The following YWHAB variants were observed in gnomAD, a reference collection of about 807,000 sequenced individuals.
YWHAB encodes tyrosine 3-monooxygenase/tryptophan 5-monooxygenase activation protein beta.
A neutral mutation model predicts 28.5 loss-of-function variants in YWHAB; 2 were observed. The observed-to-expected ratio is 0.07, with a 90% CI of 0.03 to 0.22. The LOEUF is 0.22. Ranked by LOEUF, YWHAB falls within the 10% of genes least tolerant of loss-of-function variation. The pLI is 1.00. For missense variants in YWHAB, 148 were observed against 297.1 expected, an observed-to-expected ratio of 0.50 and a Z score of 3.69; for synonymous variants, 103 against 104.7, an observed-to-expected ratio of 0.98 and a Z score of 0.10.
intron 1 of YWHAB, among the ~76,000 whole-genome samples, chr20:44,888,953 A>G (rs73294333): frequency 0.034 from 5,177 of 152,296 alleles, 283 homozygotes; most frequent in African/African-American, 0.11. Context: ...AATAGAGAGA[A>G]ACTTCTAAAT....
intron 1 of YWHAB, among the ~76,000 whole-genome samples, chr20:44,896,036 A>G (rs202119326): frequency 1.3e-5 from 2 of 152,342 alleles, no homozygotes; most frequent in East Asian, 3.9e-4. Flanking sequence ...AATAGGAGAC[A>G]CTATGTAAGT....
chr20:44,887,993 A>G (rs922224187), intron 1 of YWHAB, among the ~76,000 whole-genome samples: 7 of 152,196 alleles, frequency 4.6e-5, no homozygotes, highest in African/African-American at 1.4e-4. Flanking sequence ...AAAATGGTAT[A>G]TTATTATAGG....
rs1007310355 is a variant in YWHAB, at chr20:44,885,784, C to T, written c.-106C>T. On this transcript the variant is annotated 5_prime_UTR_variant, in exon 1 of 6. Transcript: ENST00000353703. ...GCCGCCGCCGCCGCTGCAGCCACTGCAGGCACCGCTGCCGCCGCCTGAGTA... is the reference window on the plus strand; with the variant it reads ...GCCGCCGCCGCCGCTGCAGCCACTGTAGGCACCGCTGCCGCCGCCTGAGTA... 2.2e-5 allele frequency: 4 copies of T among 178,360 alleles called. No individual in the cohort carries two copies. The highest frequency in any genetic ancestry group is 4.6e-5 in the Non-Finnish European group (4 of 86,262). 11.0% of individuals were successfully genotyped at this position (178,360 alleles called of 1,614,324 possible).
rs962015966 is a variant in YWHAB at position 44,908,297 on chromosome 20, T to C, written c.*1859T>C. The C allele has an allele frequency of 1.3e-5, 2 of 152,652 alleles. No individual in the cohort carries two copies. The highest frequency in any genetic ancestry group is 4.8e-5 in the African/African-American group (2 of 41,456). 9.5% of individuals were successfully genotyped at this position (152,652 alleles called of 1,614,324 possible). On this transcript the variant is annotated 3_prime_UTR_variant, in exon 6 of 6. Coordinates refer to ENST00000353703, the MANE Select transcript of YWHAB (RefSeq NM_139323.4). Reference sequence around the variant, plus strand: ...ATATCTGGTAGCTCTTTTCTTGCTTTGTTTTTTCTTACCAGTATTCTGCCT... The same window carrying C: ...ATATCTGGTAGCTCTTTTCTTGCTTCGTTTTTTCTTACCAGTATTCTGCCT...
intron 3 of YWHAB, 75 bp from the exon 4 acceptor site, chr20:44,904,890 AAAT>A: frequency 1.4e-6 from 2 of 1,435,544 alleles, no homozygotes; most frequent in Non-Finnish European, 1.9e-6. Flanking sequence ...GGGACTGAGA[AAAT>A]AATTTGATAG....
At chr20:44,886,634 A>G (rs1175505356) in intron 1 of YWHAB, 1 of 152,092 alleles carries the variant, frequency 6.6e-6, no homozygotes, top group Admixed American at 6.5e-5. Context: ...CTTTACCCCA[A>G]ATTCCCCCAT....
intron 1 of YWHAB, among the ~76,000 whole-genome samples, chr20:44,892,065 T>TC (rs1453673532): frequency 3.3e-5 from 5 of 152,196 alleles, no homozygotes; most frequent in African/African-American, 4.8e-5. Context: ...TAGCTTGGCA[T>TC]CTGATTTTTC....
intron 1 of YWHAB, among the ~76,000 whole-genome samples, chr20:44,897,170 C>T (rs61329528): frequency 0.012 from 1,846 of 152,204 alleles, 32 homozygotes; most frequent in African/African-American, 0.04. Context: ...ACTTTTAATC[C>T]TTGAGAAGGA....
chr20:44,906,634 A>G lies in YWHAB; in HGVS notation c.*196A>G, dbSNP rs2066659452. On this transcript the variant is annotated 3_prime_UTR_variant, in exon 6 of 6. Transcript: ENST00000353703. ...TCTAAAACTCAGATTGGTCACATAA[A>G]TGCCACGGCATTCCGAAGTTTTGAT... 4.9e-6 allele frequency: 2 copies of G among 404,650 alleles called. No individual in the cohort carries two copies. The highest frequency in any genetic ancestry group is 9.0e-6 in the Non-Finnish European group (2 of 221,976). The allele number at this position is 404,650 out of a possible 1,614,324, so 25.1% of individuals were successfully genotyped here.
chr20:44,892,646 A>G (rs2066569595), intron 1 of YWHAB, among the ~76,000 whole-genome samples: 1 of 152,234 alleles, frequency 6.6e-6, no homozygotes, highest in South Asian at 2.1e-4. Context: ...GCTTAAGAAT[A>G]AAAAATAAGA....
At chr20:44,895,766 TG>T (rs2066592373) in intron 1 of YWHAB, among the ~76,000 whole-genome samples, 1 of 152,244 alleles carries the variant, frequency 6.6e-6, no homozygotes, top group African/African-American at 2.4e-5. Flanking sequence ...CATGCCTGAC[TG>T]GAAGAGTGAA....
In YWHAB at chr20:44,901,525, T is replaced by G; in HGVS notation, c.-3-6T>G. On this transcript the variant is annotated splice_polypyrimidine_tract_variant and splice_region_variant and intron_variant, in intron 1 of 5. Coordinates refer to ENST00000353703, the MANE Select transcript of YWHAB (RefSeq NM_139323.4). ...GCTCTTTCTTTTTCTCTTGCTCTTG[T>G]TCTAGGGAATGACAATGGATAAAAG... The G allele has an allele frequency of 6.3e-7, 1 of 1,582,188 alleles. No homozygotes were observed.
intron 1 of YWHAB, chr20:44,887,835 G>T (rs1289978412): frequency 2.6e-5 from 4 of 152,172 alleles, no homozygotes; most frequent in African/African-American, 9.7e-5. Context: ...TATTTCCAGG[G>T]TTATCATTAA....
chr20:44,899,280 A>AC (rs1159426878), intron 1 of YWHAB, among the ~76,000 whole-genome samples: 1 of 152,216 alleles, frequency 6.6e-6, no homozygotes, highest in Admixed American at 6.5e-5. Context: ...GGAGTTCAAG[A>AC]CCAGCCTGGC....
intron 1 of YWHAB, among the ~76,000 whole-genome samples, chr20:44,888,427 C>A (rs148186944): frequency 6.6e-6 from 1 of 152,142 alleles, no homozygotes; most frequent in African/African-American, 2.4e-5. Context: ...GAAACTAAGG[C>A]ACTGAGAAGG....
At chr20:44,899,629 A>G (rs3091709) in intron 1 of YWHAB, among the ~76,000 whole-genome samples, 40,061 of 152,220 alleles carry the variant, frequency 0.26, 5,490 homozygotes, top group Admixed American at 0.33. Context: ...AGTACATAAA[A>G]TTAACTCTTC....
chr20:44,902,584 C>T (rs2066633845), intron 2 of YWHAB: 1 of 152,204 alleles, frequency 6.6e-6, no homozygotes, highest in South Asian at 2.1e-4. Context: ...TACCACCTTC[C>T]CTGCTGGCTG....
Position 44,905,994 on chromosome 20 carries a change from G to A in YWHAB, c.589-7G>A. 6.2e-7 allele frequency: 1 copy of A among 1,611,066 alleles called. No individual in the cohort carries two copies. Among genetic ancestry groups the A allele is most frequent in the Non-Finnish European group, 8.5e-7 (1 of 1,178,308 alleles). Reference sequence around the variant, plus strand: ...GTGAATTCTTTGCTAAAGGCTCTTTGTTTTAGGCATTTGATGAAGCAATTG... The same window carrying A: ...GTGAATTCTTTGCTAAAGGCTCTTTATTTTAGGCATTTGATGAAGCAATTG... On this transcript the variant is annotated splice_polypyrimidine_tract_variant and splice_region_variant and intron_variant, in intron 4 of 5. Transcript: ENST00000353703.
chr20:44,894,186 C>T (rs902706299), intron 1 of YWHAB, among the ~76,000 whole-genome samples: 5 of 152,292 alleles, frequency 3.3e-5, no homozygotes, highest in Admixed American at 3.3e-4. Flanking sequence ...TTCTCAAGCA[C>T]GTCAGTCTCT....
Sources: allele counts gnomAD v4.1 joint callset (sites outside exome capture counted in the v4.1 genomes callset), GRCh38; gene constraint gnomAD v4.1.1; transcripts MANE v1.5; gene names NCBI Gene and HGNC (gene_info 2026-07-23, HGNC 2026-07-21).